EHMT2: variants seen among roughly 807,000 people sequenced by gnomAD.
EHMT2 encodes euchromatic histone lysine methyltransferase 2.
Under a neutral mutation model 143.3 loss-of-function variants are expected in EHMT2, and 59 were observed. The ratio of observed to expected loss-of-function variants is 0.41; its 90% CI spans 0.33 to 0.51. EHMT2 has a LOEUF of 0.51. Ranked by LOEUF, EHMT2 falls within the 20% of genes least tolerant of loss-of-function variation. The pLI is 0.18. For missense variants in EHMT2, 1,174 were observed against 1,645.9 expected (o/e 0.71, Z 4.96); for synonymous variants, 604 against 651.5 (o/e 0.93, Z 1.11).
In EHMT2 at chr6:31,889,633, C is replaced by A. The variant is rs771517071; in HGVS notation, c.865-31G>T. On this transcript the variant is annotated intron_variant, in intron 7 of 27. Coordinates refer to ENST00000375537, the Ensembl canonical transcript of EHMT2. The surrounding 1 kb of genome is among the most constrained non-coding windows in gnomAD (Gnocchi z 5.1). ...AGAGAGGCAGAACAGACATATCCAA[C>A]CCCCAGGACTCAGACAATGAGGTGA... 1 of 1,606,438 alleles carries A rather than the reference C, an allele frequency of 6.2e-7. No homozygotes were observed. Among genetic ancestry groups the A allele is most frequent in the East Asian group, 2.2e-5 (1 of 44,862 alleles).
chr6:31,887,068 T>C, exon 16 of EHMT2: 1 of 1,611,574 alleles, frequency 6.2e-7, no homozygotes, highest in Non-Finnish European at 8.5e-7. Flanking sequence ...CTTGCTCTGC[T>C]GGTCGCTCTG....
At chr6:31,897,532 C>A (rs1456179065) in intron 1 of EHMT2, 104 bp downstream of exon 1, 69 of 962,464 alleles carry the variant, frequency 7.2e-5, no homozygotes, top group Non-Finnish European at 8.8e-5. Context: ...AAGTCCCGCC[C>A]GGGCCCCCCG....
Position 31,883,332 on chromosome 6 carries a change from G to A in EHMT2, c.2994+30C>T, listed in dbSNP as rs762027562. On this transcript the variant is annotated intron_variant, in intron 23 of 27. Coordinates refer to ENST00000375537, the Ensembl canonical transcript of EHMT2. The surrounding 1 kb of genome is among the most constrained non-coding windows in gnomAD (Gnocchi z 5.6). ...CTGGCTCCTCTGAAGGAGGGGCCGG[G>A]TGTCTGTGGCCAAGGCAAGGGGCAC... 2.5e-6 allele frequency: 4 copies of A among 1,609,046 alleles called. No individual in the cohort carries two copies. In the South Asian group the frequency reaches 3.3e-5, roughly 13 times the overall value.
In EHMT2 at chr6:31,887,119, C is replaced by T; in HGVS notation, c.2012-18G>A. On this transcript the variant is annotated intron_variant, in intron 15 of 27. Transcript: ENST00000375537. ...GTTGTCCACTGCGGGGAGAGCCCGC[C>T]ACACCGGGAGAGGGAGGGACAAGTG... The T allele has an allele frequency of 6.3e-7, 1 of 1,580,302 alleles. No individual in the cohort carries two copies. Among genetic ancestry groups the T allele is most frequent in the Admixed American group, 1.7e-5 (1 of 57,862 alleles).
chr6:31,882,102 T>C (rs1407080509), intron 25 of EHMT2, among the ~76,000 whole-genome samples: 1 of 137,810 alleles, frequency 7.3e-6, no homozygotes, highest in African/African-American at 2.8e-5. Context: ...TGAAACTCCG[T>C]CTCAAAAAAT....
chr6:31,888,247 G>A lies in EHMT2; in HGVS notation c.1539C>T (p.Phe513=), dbSNP rs767088930. The A allele has an allele frequency of 1.2e-6, 2 of 1,612,984 alleles. No individual in the cohort carries two copies. The highest frequency in any genetic ancestry group is 3.3e-5 in the Admixed American group (2 of 60,024). Residue 513 remains phenylalanine, a synonymous_variant, in exon 13 of 28, where the codon TTC becomes TTT. Coordinates refer to ENST00000375537, the Ensembl canonical transcript of EHMT2. This position sits in a 1 kb window ranked among gnomAD's most constrained non-coding sequence, Gnocchi z 7.4. ...CCTTGTGGAAGCGGTGGGCCACACGGAAGTCAGGGTGGCACTCCAGGAAGG... is the reference window on the plus strand; with the variant it reads ...CCTTGTGGAAGCGGTGGGCCACACGAAAGTCAGGGTGGCACTCCAGGAAGG...
intron 3 of EHMT2, 44 bp from the exon 4 acceptor site, chr6:31,896,560 G>A (rs971380372): frequency 1.9e-6 from 3 of 1,602,064 alleles, no homozygotes; most frequent in Non-Finnish European, 2.6e-6. Context: ...AAGAAGGCAA[G>A]AGTCAGAAAT....
rs559055663 is a variant in EHMT2, at chr6:31,880,442, T to C, written c.3453-178A>G. On this transcript the variant is annotated intron_variant, in intron 27 of 27. Transcript: ENST00000375537. The surrounding 1 kb of genome is among the most constrained non-coding windows in gnomAD (Gnocchi z 6.6). ...TCAGCATCAGCATTGCCTGGGGACT[T>C]TTTAGAAATGCAGAATCCTGGGCCC... 15 of 872,492 alleles carry C rather than the reference T, an allele frequency of 1.7e-5. 1 individual carries two copies. The South Asian group carries it at 2.5e-4, about 15-fold the overall frequency. The allele number at this position is 872,492 out of a possible 1,614,324, so 54.0% of individuals were successfully genotyped here.
chr6:31,886,708 CT>C (rs1764895969), intron 17 of EHMT2, 26 bp from the exon 18 acceptor site: 2 of 1,613,846 alleles, frequency 1.2e-6, no homozygotes, highest in African/African-American at 2.7e-5. Flanking sequence ...GCAAATGAGC[CT>C]TTGGGCTGGC....
chr6:31,897,172 T>A, intron 1 of EHMT2, 183 bp from the exon 2 acceptor site: 1 of 1,308,172 alleles, frequency 7.6e-7, no homozygotes, highest in African/African-American at 1.7e-5. Context: ...CGGGCCCGCA[T>A]CAACCCCCTC....
At chr6:31,896,648 G>A (rs1254127065) in exon 3 of EHMT2, 33 of 1,592,834 alleles carry the variant, frequency 2.1e-5, no homozygotes, top group African/African-American at 2.7e-5. Flanking sequence ...TCTCCCTCAA[G>A]ATTCTCAGAT....
Position 31,889,041 on chromosome 6 carries a change from T to G in EHMT2, c.1144A>C (p.Ser382Arg). 6.2e-7 allele frequency: 1 copy of G among 1,604,608 alleles called. No homozygotes were observed. The change falls in exon 10 of 28, where the codon AGT (serine) becomes CGT (arginine). Residue 382 changes from serine (S) to arginine (R), a missense_variant. By Grantham distance (110) the Ser-to-Arg change is moderately radical. Around this residue, in one of 6 missense-constraint regions of EHMT2, gnomAD observed 608 missense variants for 903.7 expected, o/e 0.67. Coordinates refer to ENST00000375537, the Ensembl canonical transcript of EHMT2. The surrounding 1 kb of genome is among the most constrained non-coding windows in gnomAD (Gnocchi z 5.1). ...CCCAGAGGGACCTCCATGTACTCAC[T>G]GGGGCCTGAGGAGCCCACACCATTC...
Position 31,888,266 on chromosome 6 carries a change from A to C in EHMT2, c.1520T>G (p.Leu507Arg), listed in dbSNP as rs1253689015. 6.2e-7 allele frequency: 1 copy of C among 1,612,870 alleles called. No individual in the cohort carries two copies. The highest frequency in any genetic ancestry group is 8.5e-7 in the Non-Finnish European group (1 of 1,179,918). The change falls in exon 13 of 28, where the codon CTG becomes CGG. Residue 507 changes from leucine (L) to arginine (R), a missense_variant. By Grantham distance (102) the Leu-to-Arg change is moderately radical. Transcript: ENST00000375537. This position sits in a 1 kb window ranked among gnomAD's most constrained non-coding sequence, Gnocchi z 7.4. The stretch of plus-strand genomic sequence containing the variant: ...CACACGGAAGTCAGGGTGGCACTCC[A>C]GGAAGGTGCCCTGGGAGCAGGGAAA...
chr6:31,882,669 CCAGGT>C, intron 25 of EHMT2, 25 bp downstream of exon 25: 1 of 1,602,966 alleles, frequency 6.2e-7, no homozygotes, highest in South Asian at 1.1e-5. Context: ...CCCCTTCCCA[CCAGGT>C]GTTAAGGTGC....
At chr6:31,891,795 C>T (rs1765719023) in intron 7 of EHMT2, among the ~76,000 whole-genome samples, 1 of 152,006 alleles carries the variant, frequency 6.6e-6, no homozygotes, top group South Asian at 2.1e-4. Flanking sequence ...TAAAAAAGTG[C>T]TTTCTGGTCA....
rs1198431794 is a variant in EHMT2 at position 31,883,791 on chromosome 6, G to A, written c.2916+15C>T. On this transcript the variant is annotated intron_variant, in intron 22 of 27. Transcript: ENST00000375537. The surrounding 1 kb of genome is among the most constrained non-coding windows in gnomAD (Gnocchi z 5.6). Reference sequence around the variant, plus strand: ...CTCGGTGTCCTTTTGGGGAGGCCCCGGGCCCCCTACTCACCTGCAGGTGGG... The same window carrying A: ...CTCGGTGTCCTTTTGGGGAGGCCCCAGGCCCCCTACTCACCTGCAGGTGGG... 1.1e-5 allele frequency: 17 copies of A among 1,612,188 alleles called. No homozygotes were observed. Among genetic ancestry groups the A allele is most frequent in the Non-Finnish European group, 1.4e-5 (16 of 1,179,176 alleles).
chr6:31,888,402 T>C lies in EHMT2; in HGVS notation c.1470A>G (p.Lys490=). Residue 490 remains lysine (K), a synonymous_variant, in exon 12 of 28, where the codon AAA becomes AAG. Transcript: ENST00000375537. The surrounding 1 kb of genome is among the most constrained non-coding windows in gnomAD (Gnocchi z 7.4). Reference sequence around the variant, plus strand: ...AGCCGCAGCCCGGGCAGCAGTGGTGTTTGACCATGCGGGCGCGGTGGGTCT... The same window carrying C: ...AGCCGCAGCCCGGGCAGCAGTGGTGCTTGACCATGCGGGCGCGGTGGGTCT... 6.2e-7 allele frequency: 1 copy of C among 1,612,890 alleles called. No homozygotes were observed. Among genetic ancestry groups the C allele is most frequent in the East Asian group, 2.2e-5 (1 of 44,876 alleles).
Position 31,888,935 on chromosome 6 carries a change from CT to C in EHMT2, c.1216+33del. The C allele has an allele frequency of 6.4e-7, 1 of 1,569,612 alleles. No homozygotes were observed. The highest frequency in any genetic ancestry group is 1.2e-5 in the South Asian group (1 of 86,604). ...TTCCCTCCTGCCCTGAGGTCGCCCC[CT>C]AGTGGCTCCCTGTCCCGGCAATTGG... On this transcript the variant is annotated intron_variant, in intron 10 of 27. Coordinates refer to ENST00000375537, the Ensembl canonical transcript of EHMT2. The surrounding 1 kb of genome is among the most constrained non-coding windows in gnomAD (Gnocchi z 7.4).
At position 31,883,944 on chromosome 6, in the gene EHMT2, C is replaced by T. The variant is rs140366295; in HGVS notation, c.2778G>A (p.Val926=). The change falls in exon 22 of 28, where the codon GTG becomes GTA. Residue 926 remains valine (V), a synonymous_variant. Transcript: ENST00000375537. The surrounding 1 kb of genome is among the most constrained non-coding windows in gnomAD (Gnocchi z 5.6). ...TGGGCACGTTCTCATAGCCCCGAGC[C>T]ACGTCCCTGCAGAAGACGGGAAGAA... The T allele has an allele frequency of 1.9e-6, 3 of 1,613,554 alleles. No individual in the cohort carries two copies. In the African/African-American group the frequency reaches 4.0e-5, roughly 22 times the overall value.
Sources: allele counts gnomAD v4.1 joint callset (sites outside exome capture counted in the v4.1 genomes callset), GRCh38; gene constraint gnomAD v4.1.1; regional missense constraint gnomAD v4.1.1; non-coding constraint Gnocchi (gnomAD v3.1); transcripts MANE v1.5; gene names NCBI Gene and HGNC (gene_info 2026-07-23, HGNC 2026-07-21).